MIPOL1: variants seen among roughly 807,000 people sequenced by gnomAD.
MIPOL1 encodes the protein mirror-image polydactyly gene 1 protein.
Under a neutral mutation model 60.9 loss-of-function variants are expected in MIPOL1, and 57 were observed. That is an observed-to-expected ratio of 0.94 (90% CI 0.76 to 1.17). The LOEUF (loss-of-function observed/expected upper bound fraction) is 1.17, where lower values mean the gene tolerates loss of function less well. Among genes scored for constraint, MIPOL1 ranks in the 50% most tolerant of loss-of-function variants. The pLI, the probability that MIPOL1 is intolerant of heterozygous loss-of-function variation, is 0.00. For missense variants in MIPOL1, 551 were observed against 511.6 expected (o/e 1.08, Z -0.74); for synonymous variants, 179 against 168.8 (o/e 1.06, Z -0.47).
At chr14:37,313,314 C>A (rs1486815286) in intron 9 of MIPOL1, among the ~76,000 whole-genome samples, 1 of 152,074 alleles carries the variant, frequency 6.6e-6, no homozygotes, top group Non-Finnish European at 1.5e-5. Context: ...TTGGGAGATA[C>A]AGTAATTCAA....
chr14:37,307,820 G>A (rs954604387), intron 7 of MIPOL1, among the ~76,000 whole-genome samples: 1 of 152,014 alleles, frequency 6.6e-6, no homozygotes, highest in Non-Finnish European at 1.5e-5. Context: ...GATCCTTGTA[G>A]TCATATATAG....
At chr14:37,529,281 G>A (rs1033862126) in intron 12 of MIPOL1, among the ~76,000 whole-genome samples, 3 of 152,102 alleles carry the variant, frequency 2.0e-5, no homozygotes, top group African/African-American at 4.8e-5. Context: ...CTCTGTTACC[G>A]TTATTACAAG....
At chr14:37,516,959 T>G (rs1287130372) in intron 12 of MIPOL1, among the ~76,000 whole-genome samples, 1 of 152,140 alleles carries the variant, frequency 6.6e-6, no homozygotes. Context: ...AATATAATGA[T>G]TAGGTCTGCA....
intron 10 of MIPOL1, among the ~76,000 whole-genome samples, chr14:37,404,924 G>A (rs564856613): frequency 1.2e-4 from 19 of 152,264 alleles, no homozygotes; most frequent in African/African-American, 4.6e-4. Flanking sequence ...TGAAAAAGAA[G>A]GGATGTAGAA....
chr14:37,399,738 T>C (rs1403704287), intron 10 of MIPOL1: 1 of 152,210 alleles, frequency 6.6e-6, no homozygotes, highest in East Asian at 1.9e-4. Context: ...AAATTATGCT[T>C]GCTCACATTA....
At chr14:37,521,859 G>A (rs1431051974) in intron 12 of MIPOL1, among the ~76,000 whole-genome samples, 1 of 147,956 alleles carries the variant, frequency 6.8e-6, no homozygotes, top group African/African-American at 2.5e-5. Flanking sequence ...TTCCAGCCTG[G>A]GTGACAGACC....
rs576967760 is a variant in MIPOL1, at chr14:37,431,889, T to A, written c.1031+8940T>A. 5.3e-5 allele frequency among the ~76,000 whole-genome samples: 8 copies of A among 152,174 alleles called. No individual in the cohort carries two copies. In the South Asian group the frequency reaches 1.5e-3, roughly 28 times the overall value. On this transcript the variant is annotated intron_variant, in intron 11 of 12. Coordinates refer to ENST00000684589, the MANE Select transcript of MIPOL1 (RefSeq NM_001388067.1). Reference sequence around the variant, plus strand: ...CGTGAGCCACTACGCCCGGCCCTGTTTCTAGTTTAGTATTTCACCAATCAT... The same window carrying A: ...CGTGAGCCACTACGCCCGGCCCTGTATCTAGTTTAGTATTTCACCAATCAT...
chr14:37,225,736 T>C (rs527568251), intron 1 of MIPOL1, among the ~76,000 whole-genome samples: 2 of 152,322 alleles, frequency 1.3e-5, no homozygotes, highest in East Asian at 3.9e-4. Flanking sequence ...TCATTACTTA[T>C]GCAAATTTAT....
At chr14:37,427,591 AT>A (rs1197607459) in intron 11 of MIPOL1, among the ~76,000 whole-genome samples, 9 of 152,282 alleles carry the variant, frequency 5.9e-5, no homozygotes, top group Non-Finnish European at 1.0e-4. Flanking sequence ...TTTACCACAC[AT>A]TTTTTTAAAG....
intron 11 of MIPOL1, among the ~76,000 whole-genome samples, chr14:37,466,515 T>C (rs769938303): frequency 2.4e-4 from 37 of 152,316 alleles, no homozygotes; most frequent in Non-Finnish European, 2.5e-4. Context: ...TTACCAAGAC[T>C]TGGCTTTGGA....
rs139000493 is a variant in MIPOL1, at chr14:37,460,089, A to AAATAATAATAAT, written c.1031+37158_1031+37169dup. Among the ~76,000 whole-genome samples the AAATAATAATAAT allele has an allele frequency of 3.0e-3, 442 of 148,970 alleles. 5 individuals carry two copies. Among genetic ancestry groups the AAATAATAATAAT allele is most frequent in the African/African-American group, 8.4e-3 (340 of 40,294 alleles). ...AAGACTCCATCTCAAAATAATAGTA[A>AAATAATAATAAT]AATAATAATAATAATAATAATAATA... On this transcript the variant is annotated intron_variant, in intron 11 of 12. Transcript: ENST00000684589.
At chr14:37,459,082 C>T (rs1196235681) in intron 11 of MIPOL1, among the ~76,000 whole-genome samples, 5 of 151,800 alleles carry the variant, frequency 3.3e-5, no homozygotes, top group Non-Finnish European at 5.9e-5. Flanking sequence ...GAATTAACAA[C>T]CTAATGCCAC....
At chr14:37,286,098 T>G (rs2084541382) in intron 7 of MIPOL1, among the ~76,000 whole-genome samples, 1 of 152,354 alleles carries the variant, frequency 6.6e-6, no homozygotes, top group South Asian at 2.1e-4. Context: ...TCATTTCAGC[T>G]ATCTGAGTCT....
chr14:37,516,333 G>A (rs1468280197), intron 12 of MIPOL1, among the ~76,000 whole-genome samples: 1 of 152,082 alleles, frequency 6.6e-6, no homozygotes, highest in Admixed American at 6.5e-5. Context: ...TACAGATTGT[G>A]TTTTATGGAG....
chr14:37,469,228 A>C (rs2094643621), intron 11 of MIPOL1, among the ~76,000 whole-genome samples: 1 of 152,208 alleles, frequency 6.6e-6, no homozygotes, highest in Non-Finnish European at 1.5e-5. Context: ...GCATAGTGGC[A>C]TCTGCTTCTG....
chr14:37,376,189 A>T (rs1208703337), intron 10 of MIPOL1, among the ~76,000 whole-genome samples: 1 of 152,316 alleles, frequency 6.6e-6, no homozygotes, highest in African/African-American at 2.4e-5. Flanking sequence ...TTGACACATC[A>T]TTGTAACCAA....
At chr14:37,441,838 C>T (rs1348703576) in intron 11 of MIPOL1, among the ~76,000 whole-genome samples, 1 of 152,056 alleles carries the variant, frequency 6.6e-6, no homozygotes, top group African/African-American at 2.4e-5. Flanking sequence ...TGCTTTGAAT[C>T]TGCAGATTTC....
intron 10 of MIPOL1, among the ~76,000 whole-genome samples, chr14:37,373,314 A>C (rs1309366941): frequency 6.6e-6 from 1 of 152,170 alleles, no homozygotes; most frequent in African/African-American, 2.4e-5. Context: ...TAAACATATA[A>C]TGTTTTTAAA....
intron 7 of MIPOL1, among the ~76,000 whole-genome samples, chr14:37,287,718 T>C (rs10136553): frequency 0.99 from 151,267 of 152,304 alleles, 75,126 homozygotes; most frequent in Middle Eastern, 1. Context: ...GCTCTTCTAA[T>C]ATTAACAAAT....
Sources: allele counts gnomAD v4.1 joint callset (sites outside exome capture counted in the v4.1 genomes callset), GRCh38; gene constraint gnomAD v4.1.1; transcripts MANE v1.5; gene names NCBI Gene and HGNC (gene_info 2026-07-23, HGNC 2026-07-21).